GADL1: variants seen among roughly 807,000 people sequenced by gnomAD.
The protein encoded by GADL1 is acidic amino acid decarboxylase GADL1.
Under a neutral mutation model 69.5 loss-of-function variants are expected in GADL1, and 71 were observed. The ratio of observed to expected loss-of-function variants is 1.02; its 90% CI spans 0.84 to 1.25. The LOEUF (loss-of-function observed/expected upper bound fraction) is 1.25, where lower values mean the gene tolerates loss of function less well. Among genes scored for constraint, GADL1 ranks in the 50% most tolerant of loss-of-function variants. The probability of loss-of-function intolerance (pLI) is 0.00; values close to 1 mark genes in which losing one functional copy is unlikely to be tolerated. For missense variants in GADL1, 737 were observed against 631.8 expected, an observed-to-expected ratio of 1.17 and a Z score of -1.79; for synonymous variants, 254 against 214.4, an observed-to-expected ratio of 1.18 and a Z score of -1.62.
chr3:30,749,766 TG>T (rs1289119455), intron 14 of GADL1, among the ~76,000 whole-genome samples: 1 of 152,172 alleles, frequency 6.6e-6, no homozygotes, highest in Non-Finnish European at 1.5e-5. Flanking sequence ...TCGCCCCAGC[TG>T]AACAGCTGAC....
At chr3:30,833,778 G>A (rs1697828391) in intron 11 of GADL1, 75 bp downstream of exon 11, 1 of 1,009,256 alleles carries the variant, frequency 9.9e-7, no homozygotes. Context: ...CAAGAGATGA[G>A]CAAAAATGAA....
chr3:30,857,827 C>G (rs1026292960), intron 2 of GADL1, among the ~76,000 whole-genome samples: 3 of 151,986 alleles, frequency 2.0e-5, no homozygotes, highest in Non-Finnish European at 4.4e-5. Context: ...TAACTCTGCT[C>G]TTGACACCCT....
chr3:30,841,159 G>GA (rs1273683827), intron 8 of GADL1, among the ~76,000 whole-genome samples: 2 of 152,148 alleles, frequency 1.3e-5, no homozygotes, highest in Non-Finnish European at 2.9e-5. Context: ...AAGCTACTGA[G>GA]AAAAAATGAA....
intron 14 of GADL1, among the ~76,000 whole-genome samples, chr3:30,771,356 CAG>C (rs1696415198): frequency 6.6e-6 from 1 of 152,156 alleles, no homozygotes; most frequent in African/African-American, 2.4e-5. Flanking sequence ...CTCTACCTGA[CAG>C]AATACTTAAA....
chr3:30,797,772 G>A (rs929194067), intron 12 of GADL1: 5 of 151,812 alleles, frequency 3.3e-5, no homozygotes, highest in African/African-American at 9.7e-5. Context: ...GGGATTGAGA[G>A]CATTCTAAGC....
chr3:30,883,508 C>T (rs372112072), intron 1 of GADL1, among the ~76,000 whole-genome samples: 137 of 152,002 alleles, frequency 9.0e-4, no homozygotes, highest in African/African-American at 3.1e-3. Context: ...TTTATCAATA[C>T]GTCTGTCTTT....
intron 1 of GADL1, among the ~76,000 whole-genome samples, chr3:30,870,127 T>C (rs1698460231): frequency 6.6e-6 from 1 of 151,780 alleles, no homozygotes; most frequent in Admixed American, 6.6e-5. Context: ...AAAATTTACA[T>C]TTAGTTGGGG....
intron 14 of GADL1, among the ~76,000 whole-genome samples, chr3:30,767,294 T>C (rs1696304176): frequency 6.6e-6 from 1 of 151,966 alleles, no homozygotes; most frequent in Non-Finnish European, 1.5e-5. Flanking sequence ...CTAAAACATA[T>C]AAAAATGAAA....
intron 14 of GADL1, among the ~76,000 whole-genome samples, chr3:30,776,658 G>A (rs889619832): frequency 1.3e-5 from 2 of 152,190 alleles, no homozygotes; most frequent in African/African-American, 4.8e-5. Context: ...AAAATGACCT[G>A]AAGCTAAAAG....
chr3:30,816,559 T>C (rs1455073075), intron 11 of GADL1, among the ~76,000 whole-genome samples: 1 of 103,990 alleles, frequency 9.6e-6, no homozygotes, highest in African/African-American at 3.9e-5. Context: ...TTTTTTTTTT[T>C]TTTTTTTGAG....
chr3:30,788,421 C>T (rs1231507094), intron 12 of GADL1, among the ~76,000 whole-genome samples: 1 of 152,122 alleles, frequency 6.6e-6, no homozygotes, highest in Non-Finnish European at 1.5e-5. Context: ...TACCTTATTG[C>T]TAAAAAGCGC....
intron 1 of GADL1, among the ~76,000 whole-genome samples, chr3:30,869,977 A>G (rs1698457574): frequency 6.6e-6 from 1 of 151,918 alleles, no homozygotes; most frequent in African/African-American, 2.4e-5. Flanking sequence ...TTGTTTCTCA[A>G]TGTGAGAAGC....
intron 14 of GADL1, among the ~76,000 whole-genome samples, chr3:30,764,896 AAC>A (rs1191965394): frequency 6.6e-6 from 1 of 151,224 alleles, no homozygotes; most frequent in African/African-American, 2.4e-5. Flanking sequence ...CTACCCCTAA[AAC>A]AGTGAGGCAC....
chr3:30,774,189 G>A (rs997375313), intron 14 of GADL1, among the ~76,000 whole-genome samples: 16 of 152,154 alleles, frequency 1.1e-4, no homozygotes, highest in Middle Eastern at 3.2e-3. Flanking sequence ...GTTGCTACTG[G>A]CATTTAGTAG....
Position 30,750,461 on chromosome 3 carries a change from C to T in GADL1, c.1393-22046G>A, listed in dbSNP as rs571105332. Among the ~76,000 whole-genome samples the T allele has an allele frequency of 2.7e-4, 41 of 152,300 alleles. 1 individual carries two copies. The South Asian group carries it at 8.1e-3, about 30-fold the overall frequency. On this transcript the variant is annotated intron_variant, in intron 14 of 14. Coordinates refer to ENST00000282538, the MANE Select transcript of GADL1 (RefSeq NM_207359.3). ...GACATCACCGATACTGTCGGCCTCCCTCTGCTTAGGCTTCCAAAACACCAG... is the reference window on the plus strand; with the variant it reads ...GACATCACCGATACTGTCGGCCTCCTTCTGCTTAGGCTTCCAAAACACCAG...
Position 30,774,808 on chromosome 3 carries a change from C to T in GADL1, c.1392+3371G>A, listed in dbSNP as rs7634999. Among the ~76,000 whole-genome samples the T allele has an allele frequency of 3.3e-5, 5 of 151,762 alleles. No individual in the cohort carries two copies. In the East Asian group the frequency reaches 9.7e-4, roughly 29 times the overall value. On this transcript the variant is annotated intron_variant, in intron 14 of 14. Transcript: ENST00000282538. ...ATAAATAGTGGTCATTGACTCTGAC[C>T]GGGTTGAGAACTGTTGCTATATGGG...
intron 2 of GADL1, among the ~76,000 whole-genome samples, chr3:30,860,752 AG>A (rs1248508997): frequency 1.3e-5 from 2 of 151,990 alleles, no homozygotes; most frequent in African/African-American, 4.8e-5. Context: ...AATGTGATAA[AG>A]GTTGATTCGG....
rs750245868 is a variant in GADL1, at chr3:30,763,109, TAA to T, written c.1392+15068_1392+15069del. ...TTAAAAATCTAGCACCATAAATAGG[TAA>T]AGTCATGTGTCAAGTAGAACTCTGT... On this transcript the variant is annotated intron_variant, in intron 14 of 14. Coordinates refer to ENST00000282538, the MANE Select transcript of GADL1 (RefSeq NM_207359.3). Among the ~76,000 whole-genome samples the T allele has an allele frequency of 9.2e-5, 14 of 152,188 alleles. No individual in the cohort carries two copies. The East Asian group carries it at 1.7e-3, about 19-fold the overall frequency.
chr3:30,733,894 TC>T (rs1432918241), intron 14 of GADL1, among the ~76,000 whole-genome samples: 3 of 151,964 alleles, frequency 2.0e-5, no homozygotes, highest in African/African-American at 7.3e-5. Context: ...TCCCCGTGCC[TC>T]CCCCTTCTGA....
Sources: allele counts gnomAD v4.1 joint callset (sites outside exome capture counted in the v4.1 genomes callset), GRCh38; gene constraint gnomAD v4.1.1; transcripts MANE v1.5; gene names NCBI Gene and HGNC (gene_info 2026-07-23, HGNC 2026-07-21).